Variants in CHN2 observed in about 807,000 individuals in gnomAD.
CHN2 encodes the protein beta-chimaerin.
In CHN2, 35 loss-of-function variants were observed where a neutral mutation model predicts 56.3. The ratio of observed to expected loss-of-function variants is 0.62; its 90% CI spans 0.47 to 0.82. CHN2 has a LOEUF of 0.82. Among genes scored for constraint, CHN2 ranks in the 40% least tolerant of loss-of-function variants. CHN2 has a pLI of 0.00. For missense variants in CHN2, 491 were observed against 580.5 expected, an observed-to-expected ratio of 0.85 and a Z score of 1.58; for synonymous variants, 210 against 212.8, an observed-to-expected ratio of 0.99 and a Z score of 0.12.
intron 2 of CHN2, among the ~76,000 whole-genome samples, chr7:29,355,957 T>C (rs1798287227): frequency 1.3e-5 from 2 of 151,688 alleles, no homozygotes; most frequent in African/African-American, 2.4e-5. Context: ...TAATTTTTTG[T>C]ATTTTTATTA....
intron 9 of CHN2, among the ~76,000 whole-genome samples, chr7:29,504,206 G>A (rs1583431163): frequency 1.3e-5 from 2 of 152,106 alleles, no homozygotes; most frequent in South Asian, 4.1e-4. Flanking sequence ...ATACATGTGT[G>A]TATCTAGTAC....
intron 1 of CHN2, among the ~76,000 whole-genome samples, chr7:29,331,322 T>G (rs1302269059): frequency 6.6e-6 from 1 of 151,762 alleles, no homozygotes; most frequent in East Asian, 1.9e-4. Flanking sequence ...TGGCCAAGAG[T>G]GGGAAGCCAT....
chr7:29,207,111 T>C (rs1190204274), intron 1 of CHN2, among the ~76,000 whole-genome samples: 2 of 152,250 alleles, frequency 1.3e-5, no homozygotes, highest in Admixed American at 6.5e-5. Flanking sequence ...GGGTGTGCGA[T>C]TTATAGCTCA....
chr7:29,443,649 G>A (rs1585411756), intron 6 of CHN2, among the ~76,000 whole-genome samples: 2 of 152,208 alleles, frequency 1.3e-5, no homozygotes, highest in Admixed American at 1.3e-4. Context: ...TTCATGGGTT[G>A]GCTGCATCTC....
rs17158093 is a variant in CHN2, at chr7:29,480,027, A to G, written c.577-252A>G. The G allele has an allele frequency of 0.016, 23,954 of 1,523,312 alleles. 653 individuals carry two copies. The highest frequency in any genetic ancestry group is 0.12 in the African/African-American group (8,795 of 72,266). The allele number at this position is 1,523,312 out of a possible 1,614,324, so 94.4% of individuals were successfully genotyped here. ...AGCTGCCTCAAATCTGCCGCCTAACATAAGCTGCGGTTCGAAAATCCTGAC... is the reference window on the plus strand; with the variant it reads ...AGCTGCCTCAAATCTGCCGCCTAACGTAAGCTGCGGTTCGAAAATCCTGAC... On this transcript the variant is annotated intron_variant, in intron 6 of 12. Coordinates refer to ENST00000222792, the MANE Select transcript of CHN2 (RefSeq NM_004067.4).
At chr7:29,317,329 T>C (rs148941046) in intron 1 of CHN2, among the ~76,000 whole-genome samples, 11 of 152,294 alleles carry the variant, frequency 7.2e-5, no homozygotes, top group Non-Finnish European at 1.5e-4. Context: ...ATGATGACTG[T>C]GGAAAAAAAA....
intron 6 of CHN2, among the ~76,000 whole-genome samples, chr7:29,477,820 G>A (rs3812328): frequency 0.32 from 47,996 of 152,120 alleles, 8,395 homozygotes; most frequent in East Asian, 0.59. Context: ...TGGAGACCCC[G>A]CACCATGCAG....
intron 7 of CHN2, among the ~76,000 whole-genome samples, chr7:29,481,603 A>ATTTCTCC (rs1309341997): frequency 1.4e-5 from 2 of 146,148 alleles, no homozygotes; most frequent in African/African-American, 5.1e-5. Flanking sequence ...AGCTTTTCAT[A>ATTTCTCC]TTTCTCCCGT....
intron 1 of CHN2, among the ~76,000 whole-genome samples, chr7:29,239,396 C>T (rs921951720): frequency 6.6e-6 from 1 of 152,142 alleles, no homozygotes; most frequent in Admixed American, 6.5e-5. Context: ...TATAGTTCCA[C>T]TGGGACATGT....
intron 1 of CHN2, among the ~76,000 whole-genome samples, chr7:29,264,518 C>A (rs1789949812): frequency 6.6e-6 from 1 of 152,204 alleles, no homozygotes; most frequent in Non-Finnish European, 1.5e-5. Flanking sequence ...TTACGCCCAA[C>A]CCCGTGCTCT....
intron 6 of CHN2, among the ~76,000 whole-genome samples, chr7:29,432,881 G>A (rs1218579761): frequency 6.6e-6 from 1 of 152,180 alleles, no homozygotes; most frequent in Non-Finnish European, 1.5e-5. Flanking sequence ...GCTGCAACCA[G>A]AAGAAAAAGG....
At chr7:29,171,513 A>G (rs141582202) in intron 2 of CHN2, among the ~76,000 whole-genome samples, 2 of 152,198 alleles carry the variant, frequency 1.3e-5, no homozygotes, top group East Asian at 3.9e-4. Context: ...ATCCTCCTCA[A>G]TTCAGCCCCG....
At chr7:29,304,127 G>C (rs1021110307) in intron 1 of CHN2, among the ~76,000 whole-genome samples, 3 of 151,992 alleles carry the variant, frequency 2.0e-5, no homozygotes, top group African/African-American at 7.3e-5. Context: ...TCACTGGGTA[G>C]AGGGACAAAA....
At chr7:29,336,594 C>CA (rs141887246) in intron 1 of CHN2, among the ~76,000 whole-genome samples, 14,836 of 150,620 alleles carry the variant, frequency 0.098, 1,013 homozygotes, top group South Asian at 0.23. Context: ...CCTGTCTCTA[C>CA]AAAAAAAAAT....
At position 29,318,142 on chromosome 7, in the gene CHN2, TG is replaced by T. The variant is rs1440561343; in HGVS notation, c.50-36482del. Among the ~76,000 whole-genome samples the T allele has an allele frequency of 7.2e-5, 11 of 152,232 alleles. No homozygotes were observed. In the East Asian group the frequency reaches 2.1e-3, roughly 29 times the overall value. ...AAAGAGAATATGTCTAGCCTTGAAATGTTGGGTTTTGAGGCAGCTGTGGAAT... is the reference window on the plus strand; with the variant it reads ...AAAGAGAATATGTCTAGCCTTGAAATTTGGGTTTTGAGGCAGCTGTGGAAT... On this transcript the variant is annotated intron_variant, in intron 1 of 12. Transcript: ENST00000222792.
At chr7:29,262,121 T>C (rs987795719) in intron 1 of CHN2, among the ~76,000 whole-genome samples, 7 of 152,128 alleles carry the variant, frequency 4.6e-5, no homozygotes, top group South Asian at 2.1e-4. Context: ...TGAGCCAAGA[T>C]TGTGCCACTG....
intron 3 of CHN2, among the ~76,000 whole-genome samples, chr7:29,392,135 C>T (rs1349606999): frequency 6.6e-6 from 1 of 152,188 alleles, no homozygotes; most frequent in Non-Finnish European, 1.5e-5. Context: ...AATATCGCCT[C>T]TCAAAGAATG....
chr7:29,475,761 AAAG>A (rs1454324479), intron 6 of CHN2, among the ~76,000 whole-genome samples: 3 of 152,370 alleles, frequency 2.0e-5, no homozygotes, highest in African/African-American at 2.4e-5. Flanking sequence ...TCTAAAGAAA[AAAG>A]AAGCAGCCAG....
chr7:29,370,720 TAGAG>T (rs1455619093), intron 3 of CHN2, among the ~76,000 whole-genome samples: 2 of 152,126 alleles, frequency 1.3e-5, no homozygotes, highest in Non-Finnish European at 2.9e-5. Flanking sequence ...AGTGTGCAAT[TAGAG>T]AGATGTGGAA....
Sources: gnomAD v4.1 joint callset for allele counts (sites outside exome capture counted in the v4.1 genomes callset) on GRCh38, gnomAD v4.1.1 for gene constraint, MANE v1.5 for transcripts, NCBI Gene and HGNC (gene_info 2026-07-23, HGNC 2026-07-21) for gene names.